The following COP1 variants were observed in gnomAD, a reference collection of about 807,000 sequenced individuals.
COP1 encodes the protein E3 ubiquitin-protein ligase COP1.
A neutral mutation model predicts 101.3 loss-of-function variants in COP1; 24 were observed. The observed-to-expected ratio is 0.24, with a 90% CI of 0.17 to 0.33. The LOEUF (loss-of-function observed/expected upper bound fraction) is 0.33, where lower values mean the gene tolerates loss of function less well. Among genes scored for constraint, COP1 ranks in the 10% least tolerant of loss-of-function variants. The pLI is 1.00. For synonymous variants in COP1, 347 were observed against 341.9 expected (o/e 1.01, Z -0.17); for missense variants, 663 against 906.2 (o/e 0.73, Z 3.45).
chr1:176,018,628 G>A (rs1026269035), intron 15 of COP1: 2 of 151,762 alleles, frequency 1.3e-5, no homozygotes, highest in Non-Finnish European at 2.9e-5. Context: ...TTATCAATAG[G>A]GAAAAAATAA....
chr1:176,018,109 C>A (rs1438294001), intron 15 of COP1, among the ~76,000 whole-genome samples: 1 of 152,174 alleles, frequency 6.6e-6, no homozygotes, highest in Non-Finnish European at 1.5e-5. Flanking sequence ...TGGTTTCCAA[C>A]CTGAATAAAA....
chr1:176,057,605 G>A (rs981519642), intron 11 of COP1, among the ~76,000 whole-genome samples: 16 of 152,164 alleles, frequency 1.1e-4, no homozygotes, highest in Admixed American at 2.6e-4. Context: ...CCGAGGTGCC[G>A]GGATTGCAGA....
At chr1:176,103,522 T>C (rs998656943) in intron 9 of COP1, among the ~76,000 whole-genome samples, 14 of 152,196 alleles carry the variant, frequency 9.2e-5, no homozygotes, top group Non-Finnish European at 1.5e-4. Flanking sequence ...CTTGGAATAT[T>C]TGCATTGTAC....
chr1:176,008,339 T>G (rs1663928072), intron 15 of COP1, among the ~76,000 whole-genome samples: 1 of 152,242 alleles, frequency 6.6e-6, no homozygotes, highest in Non-Finnish European at 1.5e-5. Flanking sequence ...AGACCGGAGC[T>G]GTTCCTATTC....
chr1:176,001,412 T>C (rs1463079386), intron 15 of COP1, among the ~76,000 whole-genome samples: 1 of 152,168 alleles, frequency 6.6e-6, no homozygotes, highest in African/African-American at 2.4e-5. Flanking sequence ...TTCTCGATTT[T>C]TGTTTGTGTA....
chr1:176,129,880 A>G (rs988705894), intron 8 of COP1, among the ~76,000 whole-genome samples: 3 of 151,852 alleles, frequency 2.0e-5, no homozygotes, highest in Admixed American at 2.0e-4. Flanking sequence ...AACGAATAGT[A>G]TGCTAACGTT....
intron 15 of COP1, among the ~76,000 whole-genome samples, chr1:176,004,582 A>C (rs543848603): frequency 1.3e-5 from 2 of 152,246 alleles, no homozygotes; most frequent in South Asian, 4.2e-4. Context: ...ATTTTGTTGA[A>C]GGCTTTTTCT....
chr1:176,005,116 C>G (rs1241026858), intron 15 of COP1, among the ~76,000 whole-genome samples: 1 of 152,120 alleles, frequency 6.6e-6, no homozygotes, highest in Admixed American at 6.5e-5. Context: ...TCCTTTATTT[C>G]TAGATTTTCT....
intron 15 of COP1, among the ~76,000 whole-genome samples, chr1:176,016,769 C>G (rs1665733106): frequency 6.6e-6 from 1 of 151,720 alleles, no homozygotes; most frequent in Middle Eastern, 3.4e-3. Context: ...AAGTATCAAT[C>G]CAGGTGATAA....
intron 6 of COP1, among the ~76,000 whole-genome samples, chr1:176,142,709 A>G (rs1489855004): frequency 6.6e-6 from 1 of 152,094 alleles, no homozygotes; most frequent in African/African-American, 2.4e-5. Context: ...TATAACAGAA[A>G]TCCAGAACAA....
Position 176,129,855 on chromosome 1 carries a change from G to A in COP1, c.968+5155C>T, listed in dbSNP as rs189687147. The stretch of plus-strand genomic sequence containing the variant: ...GCAAAGTTACTGCAATGGCTTTGAC[G>A]AGAATTTAAAATCTAACGAATAGTA... On this transcript the variant is annotated intron_variant, in intron 8 of 19. Transcript: ENST00000367669. Among the ~76,000 whole-genome samples, 11 of 151,812 alleles carry A rather than the reference G, an allele frequency of 7.2e-5. No individual in the cohort carries two copies. The East Asian group carries it at 1.9e-3, about 27-fold the overall frequency.
At chr1:176,192,768 G>GAT (rs1699249658) in intron 1 of COP1, among the ~76,000 whole-genome samples, 1 of 152,144 alleles carries the variant, frequency 6.6e-6, no homozygotes, top group Admixed American at 6.6e-5. Context: ...TACCATGTGT[G>GAT]ATACATTTCA....
intron 2 of COP1, among the ~76,000 whole-genome samples, chr1:176,178,902 T>C (rs551862993): frequency 2.0e-5 from 3 of 151,118 alleles, no homozygotes; most frequent in East Asian, 2.0e-4. Flanking sequence ...GGGCTGGGTA[T>C]ATCTGCTAAT....
At chr1:175,996,378 G>C (rs1280880973) in intron 15 of COP1, among the ~76,000 whole-genome samples, 3 of 152,192 alleles carry the variant, frequency 2.0e-5, no homozygotes, top group African/African-American at 7.2e-5. Flanking sequence ...CTTCAACATA[G>C]TGTTGGAAGT....
intron 15 of COP1, among the ~76,000 whole-genome samples, chr1:176,019,768 G>A (rs902637785): frequency 1.3e-5 from 2 of 151,696 alleles, no homozygotes; most frequent in African/African-American, 2.4e-5. Context: ...GGCTGAGGCG[G>A]GAGAGTCACT....
At chr1:175,996,020 C>T (rs1481451726) in intron 15 of COP1, among the ~76,000 whole-genome samples, 2 of 152,142 alleles carry the variant, frequency 1.3e-5, no homozygotes, top group African/African-American at 2.4e-5. Context: ...CAAAACGAAT[C>T]CAGCAGCACA....
chr1:176,112,278 T>C (rs932036331), intron 9 of COP1, among the ~76,000 whole-genome samples: 1 of 152,054 alleles, frequency 6.6e-6, no homozygotes, highest in African/African-American at 2.4e-5. Flanking sequence ...CAAGTTTTTT[T>C]TTTAAATCTT....
At chr1:176,172,449 A>G (rs1405561403) in intron 3 of COP1, among the ~76,000 whole-genome samples, 1 of 152,218 alleles carries the variant, frequency 6.6e-6, no homozygotes, top group African/African-American at 2.4e-5. Flanking sequence ...TGAGTTATAC[A>G]AGCAAAAAGC....
At chr1:176,089,637 T>C (rs1049923602) in intron 9 of COP1, among the ~76,000 whole-genome samples, 1 of 152,030 alleles carries the variant, frequency 6.6e-6, no homozygotes, top group African/African-American at 2.4e-5. Context: ...GAGGTAAGAG[T>C]CATATTTTAA....
Sources: gnomAD v4.1 joint callset for allele counts (sites outside exome capture counted in the v4.1 genomes callset) on GRCh38, gnomAD v4.1.1 for gene constraint, MANE v1.5 for transcripts, NCBI Gene and HGNC (gene_info 2026-07-23, HGNC 2026-07-21) for gene names.